The following PHLDB2 variants were observed in gnomAD, a reference collection of about 807,000 sequenced individuals.
The protein encoded by PHLDB2 is pleckstrin homology like domain family B member 2.
Under a neutral mutation model 123.6 loss-of-function variants are expected in PHLDB2, and 71 were observed. The observed-to-expected ratio is 0.57, with a 90% confidence interval of 0.47 to 0.70. The LOEUF (loss-of-function observed/expected upper bound fraction) is 0.70. PHLDB2 is among the 30% of genes least tolerant of loss of function. PHLDB2 has a pLI of 0.00. For missense variants in PHLDB2, 1,446 were observed against 1,519.5 expected, an observed-to-expected ratio of 0.95 and a Z score of 0.80; for synonymous variants, 547 against 541.6, an observed-to-expected ratio of 1.01 and a Z score of -0.14.
chr3:111,813,484 T>C (rs2061937217), intron 1 of PHLDB2, among the ~76,000 whole-genome samples: 1 of 152,146 alleles, frequency 6.6e-6, no homozygotes, highest in South Asian at 2.1e-4. Context: ...CTACCAGCCT[T>C]TGGGCTTTTA....
chr3:111,859,159 T>C (rs2064658843), upstream of PHLDB2: 2 of 983,684 alleles, frequency 2.0e-6, no homozygotes, highest in East Asian at 1.1e-4. Context: ...TCACCTGGAG[T>C]TTCCCAATAG....
At chr3:111,895,020 G>A (rs959030359) in intron 2 of PHLDB2, among the ~76,000 whole-genome samples, 1 of 150,308 alleles carries the variant, frequency 6.7e-6, no homozygotes, top group Non-Finnish European at 1.5e-5. Flanking sequence ...CATTAGCAAA[G>A]TTGGGCTGCC....
intron 1 of PHLDB2, among the ~76,000 whole-genome samples, chr3:111,837,867 A>C (rs994278030): frequency 6.6e-6 from 1 of 152,020 alleles, no homozygotes; most frequent in South Asian, 2.1e-4. Context: ...ACATGGCAAA[A>C]TCTCTTCTCT....
intron 1 of PHLDB2, among the ~76,000 whole-genome samples, chr3:111,809,354 G>T (rs989746240): frequency 2.6e-5 from 4 of 152,178 alleles, no homozygotes; most frequent in Non-Finnish European, 5.9e-5. Context: ...ATTTTCTTCT[G>T]CCTTTGGGTG....
In PHLDB2 at chr3:111,929,457, GA is replaced by G. The variant is rs576612142; in HGVS notation, c.2002-2810del. ...TTAATATTTTACATTTAAAAAGCAA[GA>G]ATCCCTAAACCCTCAAATGCCATCT... On this transcript the variant is annotated intron_variant, in intron 5 of 17. Coordinates refer to ENST00000431670, the MANE Select transcript of PHLDB2 (RefSeq NM_001134438.2). Among the ~76,000 whole-genome samples, 139 of 152,274 alleles carry G rather than the reference GA, an allele frequency of 9.1e-4. No individual in the cohort carries two copies. In the South Asian group the frequency reaches 1.0e-2, roughly 11 times the overall value.
intron 6 of PHLDB2, among the ~76,000 whole-genome samples, chr3:111,936,471 T>G (rs1250473025): frequency 6.6e-6 from 1 of 152,234 alleles, no homozygotes; most frequent in Non-Finnish European, 1.5e-5. Flanking sequence ...CTCTCCCTAA[T>G]AGTTTTTTGT....
At chr3:111,771,299 A>G (rs2060172486) in intron 1 of PHLDB2, among the ~76,000 whole-genome samples, 1 of 151,596 alleles carries the variant, frequency 6.6e-6, no homozygotes, top group Non-Finnish European at 1.5e-5. Flanking sequence ...GTTTTCTGTT[A>G]CACTTTGGCT....
At chr3:111,897,107 C>G (rs1478576213) in intron 2 of PHLDB2, among the ~76,000 whole-genome samples, 1 of 152,196 alleles carries the variant, frequency 6.6e-6, no homozygotes, top group Non-Finnish European at 1.5e-5. Context: ...CTTCCCTTCT[C>G]CTTAACCCCC....
chr3:111,908,134 G>A (rs2067663800), intron 2 of PHLDB2, among the ~76,000 whole-genome samples: 1 of 152,134 alleles, frequency 6.6e-6, no homozygotes, highest in South Asian at 2.1e-4. Context: ...TCTTTCTGGA[G>A]TGGCCAGCTT....
chr3:111,948,689 ATAC>A (rs1385824740), intron 9 of PHLDB2, among the ~76,000 whole-genome samples: 1 of 152,202 alleles, frequency 6.6e-6, no homozygotes, highest in Non-Finnish European at 1.5e-5. Context: ...TGGGTTATTT[ATAC>A]TACAGTTATC....
At position 111,879,665 on chromosome 3, in the gene PHLDB2, A is replaced by C. The variant is rs141399851; in HGVS notation, c.-14-4399A>C. On this transcript the variant is annotated intron_variant, in intron 1 of 17. Transcript: ENST00000431670. ...ACACTTTACAGAAAGTAAGCTTTTT[A>C]CTTTTTTTATTTCTCTAAAAATGTT... 2.4e-4 allele frequency among the ~76,000 whole-genome samples: 36 copies of C among 152,056 alleles called. 1 individual carries two copies. In the East Asian group the frequency reaches 6.6e-3, roughly 28 times the overall value.
chr3:111,752,805 C>T lies in PHLDB2; in HGVS notation c.-49+20102C>T, dbSNP rs534785562. Among the ~76,000 whole-genome samples, 115 of 151,854 alleles carry T rather than the reference C, an allele frequency of 7.6e-4. No individual in the cohort carries two copies. In the Middle Eastern group the frequency reaches 0.01, roughly 13 times the overall value. Reference sequence around the variant, plus strand: ...TAATGCTATCCCTCCCCACTGCCCCCACCCCACAACAGTCCCCAGAGTGTG... The same window carrying T: ...TAATGCTATCCCTCCCCACTGCCCCTACCCCACAACAGTCCCCAGAGTGTG... On this transcript the variant is annotated intron_variant, in intron 1 of 17. Transcript: ENST00000393923.
intron 1 of PHLDB2, among the ~76,000 whole-genome samples, chr3:111,822,040 A>G (rs577773106): frequency 6.6e-6 from 1 of 152,248 alleles, no homozygotes; most frequent in African/African-American, 2.4e-5. Context: ...ACATTTCTAC[A>G]GGAAGAGTTT....
chr3:111,861,725 G>A (rs978930859), intron 1 of PHLDB2, among the ~76,000 whole-genome samples: 12 of 152,312 alleles, frequency 7.9e-5, no homozygotes, highest in African/African-American at 2.9e-4. Flanking sequence ...CTGTGACCAA[G>A]CTGAAACTCG....
chr3:111,913,764 A>G lies in PHLDB2; in HGVS notation c.1719+62A>G, dbSNP rs568146180. The G allele has an allele frequency of 7.6e-6, 11 of 1,439,974 alleles. No individual in the cohort carries two copies. In the East Asian group the frequency reaches 2.3e-4, roughly 30 times the overall value. The allele number at this position is 1,439,974 out of a possible 1,614,324, so 89.2% of individuals were successfully genotyped here. ...TCTAGGGCTGTGCATATGCTTTGGC[A>G]TGAAAACTGATGATTTTATCATGCT... On this transcript the variant is annotated intron_variant, in intron 3 of 17. Transcript: ENST00000431670.
intron 1 of PHLDB2, among the ~76,000 whole-genome samples, chr3:111,881,690 C>T (rs933190229): frequency 6.6e-6 from 1 of 151,414 alleles, no homozygotes; most frequent in Non-Finnish European, 1.5e-5. Flanking sequence ...TTTCATAAGA[C>T]ATCTGTATAT....
chr3:111,860,738 G>T (rs753658912), intron 1 of PHLDB2, among the ~76,000 whole-genome samples: 29 of 152,316 alleles, frequency 1.9e-4, no homozygotes, highest in Non-Finnish European at 2.8e-4. Flanking sequence ...TCCTCCGGGC[G>T]CCTGGCCCTG....
At chr3:111,902,885 A>G (rs917336812) in intron 2 of PHLDB2, among the ~76,000 whole-genome samples, 2 of 151,778 alleles carry the variant, frequency 1.3e-5, no homozygotes, top group South Asian at 2.1e-4. Context: ...GTGATCCCCT[A>G]CCTTGGCCTC....
rs145787791 is a variant in PHLDB2, at chr3:111,907,143, G to A, written c.1336-6176G>A. 2.4e-3 allele frequency among the ~76,000 whole-genome samples: 371 copies of A among 152,266 alleles called. 2 individuals carry two copies. The highest frequency in any genetic ancestry group is 8.3e-3 in the African/African-American group (346 of 41,546). On this transcript the variant is annotated intron_variant, in intron 2 of 17. Coordinates refer to ENST00000431670, the MANE Select transcript of PHLDB2 (RefSeq NM_001134438.2). The stretch of plus-strand genomic sequence containing the variant: ...AATGTGAAAGCCAGTGAAAAGTCTG[G>A]AGAGCAGTGTCTCCACACAAGATTT...
Sources: gnomAD v4.1 joint callset for allele counts (sites outside exome capture counted in the v4.1 genomes callset) on GRCh38, gnomAD v4.1.1 for gene constraint, MANE v1.5 for transcripts, NCBI Gene and HGNC (gene_info 2026-07-23, HGNC 2026-07-21) for gene names.